Variants in IDE observed in about 807,000 individuals in gnomAD.
IDE encodes insulin degrading enzyme.
In IDE, 58 loss-of-function variants were observed where a neutral mutation model predicts 133.2. The observed-to-expected ratio is 0.44, with a 90% CI of 0.35 to 0.54. The LOEUF (loss-of-function observed/expected upper bound fraction) is 0.54. Ranked by LOEUF, IDE falls within the 20% of genes least tolerant of loss-of-function variation. IDE has a pLI of 0.00. For synonymous variants in IDE, 396 were observed against 421.3 expected, an observed-to-expected ratio of 0.94 and a Z score of 0.73; for missense variants, 981 against 1,234.0, an observed-to-expected ratio of 0.79 and a Z score of 3.07.
intron 3 of IDE, among the ~76,000 whole-genome samples, chr10:92,533,111 G>C (rs1850033995): frequency 6.6e-6 from 1 of 152,172 alleles, no homozygotes; most frequent in Non-Finnish European, 1.5e-5. Context: ...GATAGGCCCA[G>C]ATAAAGGATC....
chr10:92,466,541 T>TC (rs966002642), intron 19 of IDE, among the ~76,000 whole-genome samples: 1 of 152,186 alleles, frequency 6.6e-6, no homozygotes, highest in African/African-American at 2.4e-5. Flanking sequence ...GGTCTTGAAT[T>TC]CCTGACCTCA....
chr10:92,460,848 T>C (rs35118791), intron 22 of IDE, among the ~76,000 whole-genome samples: 15,243 of 152,202 alleles, frequency 0.1, 885 homozygotes, highest in South Asian at 0.17. Flanking sequence ...AATAGGTGTT[T>C]TGGTTTTTTT....
intron 4 of IDE, among the ~76,000 whole-genome samples, chr10:92,522,023 GT>G (rs1277455956): frequency 7.9e-5 from 12 of 151,890 alleles, no homozygotes; most frequent in Non-Finnish European, 1.6e-4. Flanking sequence ...GGTCATTATA[GT>G]ATTTTGTGTT....
At chr10:92,568,950 GTTTT>G (rs550580732) in intron 1 of IDE, among the ~76,000 whole-genome samples, 1 of 151,940 alleles carries the variant, frequency 6.6e-6, no homozygotes, top group Admixed American at 6.6e-5. Context: ...GTACACAGGT[GTTTT>G]TTTCTTCTTT....
intron 1 of IDE, among the ~76,000 whole-genome samples, chr10:92,555,699 A>G (rs1164013747): frequency 6.6e-6 from 1 of 152,176 alleles, no homozygotes; most frequent in Non-Finnish European, 1.5e-5. Flanking sequence ...AACCTGAAAA[A>G]GGGACTCTAT....
intron 11 of IDE, among the ~76,000 whole-genome samples, chr10:92,495,747 A>T (rs1847652421): frequency 6.6e-6 from 1 of 152,218 alleles, no homozygotes. Flanking sequence ...GTTTTAAAGG[A>T]TACACACAAA....
At chr10:92,469,602 A>AT (rs1845861560) in intron 18 of IDE, among the ~76,000 whole-genome samples, 1 of 151,840 alleles carries the variant, frequency 6.6e-6, no homozygotes, top group African/African-American at 2.4e-5. Context: ...CTGTTTTTCA[A>AT]TTTTTTGTAG....
chr10:92,534,251 G>A (rs1317814566), intron 3 of IDE, among the ~76,000 whole-genome samples: 1 of 152,158 alleles, frequency 6.6e-6, no homozygotes, highest in African/African-American at 2.4e-5. Context: ...GAATATTTAA[G>A]GTTTAGCATT....
At chr10:92,517,897 CAG>C (rs1318543515) in intron 4 of IDE, among the ~76,000 whole-genome samples, 1 of 152,088 alleles carries the variant, frequency 6.6e-6, no homozygotes, top group Non-Finnish European at 1.5e-5. Flanking sequence ...GCCTGGGTGA[CAG>C]AGTGAGACTC....
At chr10:92,502,194 T>C (rs760634100) in intron 11 of IDE, among the ~76,000 whole-genome samples, 3 of 152,302 alleles carry the variant, frequency 2.0e-5, no homozygotes, top group Non-Finnish European at 2.9e-5. Context: ...ATTTTGGTTA[T>C]GATTACATTG....
Position 92,473,382 on chromosome 10 carries a change from A to C in IDE, c.2116+1459T>G, listed in dbSNP as rs915158128. 3.3e-5 allele frequency among the ~76,000 whole-genome samples: 5 copies of C among 152,134 alleles called. No individual in the cohort carries two copies. In the East Asian group the frequency reaches 9.7e-4, roughly 29 times the overall value. On this transcript the variant is annotated intron_variant, in intron 17 of 24. Coordinates refer to ENST00000265986, the MANE Select transcript of IDE (RefSeq NM_004969.4). ...TTTCCAGTAAAGAAATCCTGAAAGTAATTTCTTTACATTCAATAGGCATTC... is the reference window on the plus strand; with the variant it reads ...TTTCCAGTAAAGAAATCCTGAAAGTCATTTCTTTACATTCAATAGGCATTC...
At chr10:92,488,389 G>A (rs138079397) in intron 12 of IDE, among the ~76,000 whole-genome samples, 4 of 152,230 alleles carry the variant, frequency 2.6e-5, no homozygotes, top group East Asian at 3.9e-4. Context: ...CAGCCACCAC[G>A]CTCGGCTTTC....
chr10:92,474,233 AG>A (rs1382739244), intron 17 of IDE, among the ~76,000 whole-genome samples: 1 of 151,946 alleles, frequency 6.6e-6, no homozygotes, highest in African/African-American at 2.4e-5. Flanking sequence ...TCCAGCTAAT[AG>A]TTTTATTATT....
At chr10:92,458,628 A>C (rs1477298244) in intron 22 of IDE, among the ~76,000 whole-genome samples, 2 of 149,650 alleles carry the variant, frequency 1.3e-5, no homozygotes, top group African/African-American at 2.5e-5. Flanking sequence ...CAGCCTCCTG[A>C]GTAGCTGGGA....
intron 1 of IDE, among the ~76,000 whole-genome samples, chr10:92,566,520 C>T (rs1193889360): frequency 2.0e-5 from 3 of 151,956 alleles, no homozygotes; most frequent in Non-Finnish European, 4.4e-5. Context: ...GAATGACAGA[C>T]ATCACATGTT....
intron 8 of IDE, 86 bp from the exon 9 acceptor site, chr10:92,507,752 G>A (rs968661628): frequency 3.8e-6 from 3 of 791,172 alleles, no homozygotes; most frequent in Admixed American, 1.9e-5. Context: ...AGTCAGATAA[G>A]TGGAAGATGG....
At chr10:92,473,248 AT>A (rs1238099109) in intron 17 of IDE, among the ~76,000 whole-genome samples, 2 of 152,062 alleles carry the variant, frequency 1.3e-5, no homozygotes, top group African/African-American at 2.4e-5. Context: ...TTTTTATTGC[AT>A]TTTAATGCTT....
chr10:92,550,953 A>G (rs1225036031), intron 1 of IDE, among the ~76,000 whole-genome samples: 2 of 152,228 alleles, frequency 1.3e-5, no homozygotes. Flanking sequence ...CACACTTGCT[A>G]GTGGGAATAC....
chr10:92,556,715 G>A (rs557588897), intron 1 of IDE, among the ~76,000 whole-genome samples: 11 of 152,014 alleles, frequency 7.2e-5, no homozygotes, highest in Admixed American at 2.0e-4. Flanking sequence ...CTGAGATCGC[G>A]CCACTGCACT....
Sources: allele counts gnomAD v4.1 joint callset (sites outside exome capture counted in the v4.1 genomes callset), GRCh38; gene constraint gnomAD v4.1.1; transcripts MANE v1.5; gene names NCBI Gene and HGNC (gene_info 2026-07-23, HGNC 2026-07-21).